CLEC12A: variants seen among roughly 807,000 people sequenced by gnomAD.
The protein encoded by CLEC12A is C-type lectin domain family 12 member A.
CLEC12A carries 22 observed loss-of-function variants against 26.5 expected under a neutral mutation model. That is an observed-to-expected ratio of 0.83 (90% confidence interval 0.59 to 1.19). The LOEUF is 1.19. Ranked by LOEUF, CLEC12A falls within the 50% of genes most tolerant of loss-of-function variation. The pLI is 0.00. For missense variants in CLEC12A, 353 were observed against 315.6 expected (o/e 1.12, Z -0.90); for synonymous variants, 119 against 101.9 (o/e 1.17, Z -1.01).
At chr12:9,973,065 G>A (rs891662470) in intron 1 of CLEC12A, among the ~76,000 whole-genome samples, 4 of 151,656 alleles carry the variant, frequency 2.6e-5, no homozygotes, top group South Asian at 2.1e-4. Context: ...TCTCATTATC[G>A]AGCTTAGAAT....
Position 9,962,253 on chromosome 12 carries a change from CTTTTTTTT to C in CLEC12A, c.11-9313_11-9306del, listed in dbSNP as rs71049021. Among the ~76,000 whole-genome samples the C allele has an allele frequency of 1.8e-4, 22 of 119,254 alleles. 1 individual carries two copies. In the East Asian group the frequency reaches 2.6e-3, roughly 14 times the overall value. The allele number at this position is 119,254 out of a possible 152,430, so 78.2% of individuals were successfully genotyped here. A position where few individuals can be genotyped will look rare whatever the true frequency, so the allele number is the denominator to read the frequency against. ...CCTTTTAATGTATAACCGGTTTTTT[CTTTTTTTT>C]TTTTTTTTTTGGATCCCAAGTGTGT... On this transcript the variant is annotated intron_variant, in intron 1 of 6. Transcript: ENST00000355690.
chr12:9,985,931 T>G, downstream of CLEC12A: 1 of 167,504 alleles, frequency 6.0e-6, no homozygotes, highest in Non-Finnish European at 1.3e-5. Context: ...TTGTAACCCC[T>G]CCTTGATTTG....
intron 1 of CLEC12A, among the ~76,000 whole-genome samples, chr12:9,972,993 T>A (rs1389060893): frequency 6.6e-6 from 1 of 152,206 alleles, no homozygotes. Flanking sequence ...CCACAAGAAT[T>A]CCCTGAATTC....
intron 4 of CLEC12A, 143 bp downstream of exon 4, chr12:9,980,876 T>C: frequency 2.5e-6 from 2 of 803,832 alleles, no homozygotes; most frequent in South Asian, 1.9e-5. Flanking sequence ...TCTCAAGATA[T>C]CATAGGCAAG....
At chr12:10,002,693 C>G in the CLEC12A span, among the ~76,000 whole-genome samples, 1 of 152,098 alleles carries the variant, frequency 6.6e-6, no homozygotes, top group African/African-American at 2.4e-5. Flanking sequence ...CCGCCCGCCT[C>G]GGCCTCCCCA....
upstream of CLEC12A, among the ~76,000 whole-genome samples, chr12:9,969,283 C>T (rs145807783): frequency 7.6e-3 from 1,162 of 152,186 alleles, 9 homozygotes; most frequent in African/African-American, 0.023. Flanking sequence ...AAGTGTTTGA[C>T]GGAATGAATA....
chr12:9,971,890 A>T (rs189179326), intron 1 of CLEC12A, among the ~76,000 whole-genome samples: 95 of 152,330 alleles, frequency 6.2e-4, no homozygotes, highest in African/African-American at 2.2e-3. Flanking sequence ...TGCATTGAAT[A>T]ATCAATCTTT....
intron 1 of CLEC12A, among the ~76,000 whole-genome samples, chr12:9,976,817 T>C (rs1864355466): frequency 6.6e-6 from 1 of 152,158 alleles, no homozygotes. Context: ...GGTAATTGAA[T>C]CATATGGTAG....
the CLEC12A span, among the ~76,000 whole-genome samples, chr12:10,003,957 C>CATCT: frequency 6.6e-6 from 1 of 152,242 alleles, no homozygotes; most frequent in South Asian, 2.1e-4. Flanking sequence ...CATCTAACCT[C>CATCT]ATCTAATCCA....
intron 1 of CLEC12A, among the ~76,000 whole-genome samples, chr12:9,973,399 A>G (rs895517245): frequency 6.6e-6 from 1 of 152,154 alleles, no homozygotes; most frequent in African/African-American, 2.4e-5. Flanking sequence ...GGCTCTAGTA[A>G]GCTAAGATCA....
intron 1 of CLEC12A, among the ~76,000 whole-genome samples, chr12:9,972,232 C>A (rs1864159090): frequency 6.6e-6 from 1 of 151,768 alleles, no homozygotes; most frequent in South Asian, 2.1e-4. Context: ...TGAAATGAAT[C>A]ATTAAGGAAT....
chr12:10,003,813 G>A, the CLEC12A span, among the ~76,000 whole-genome samples: 1 of 152,182 alleles, frequency 6.6e-6, no homozygotes, highest in South Asian at 2.1e-4. Context: ...CTACTTGGGA[G>A]GCTGAGGTGG....
chr12:9,963,968 A>C (rs1188322816), intron 1 of CLEC12A, among the ~76,000 whole-genome samples: 1 of 152,192 alleles, frequency 6.6e-6, no homozygotes, highest in African/African-American at 2.4e-5. Context: ...GGCTGGGTAT[A>C]AGTAAACAAC....
At chr12:9,970,492 G>C (rs1864089313), upstream of CLEC12A, among the ~76,000 whole-genome samples, 1 of 152,112 alleles carries the variant, frequency 6.6e-6, no homozygotes, top group Non-Finnish European at 1.5e-5. Context: ...TTTAAAGTAA[G>C]ATTTACTAAC....
chr12:9,964,931 A>G (rs1863903500), intron 1 of CLEC12A, among the ~76,000 whole-genome samples: 1 of 152,200 alleles, frequency 6.6e-6, no homozygotes, highest in Non-Finnish European at 1.5e-5. Context: ...TGTGGTATCC[A>G]GAATACTGTG....
At chr12:9,957,196 T>C (rs1323219662) in intron 1 of CLEC12A, among the ~76,000 whole-genome samples, 1 of 152,016 alleles carries the variant, frequency 6.6e-6, no homozygotes, top group Non-Finnish European at 1.5e-5. Flanking sequence ...GAAGAAATTT[T>C]AAAAAGGTGT....
intron 4 of CLEC12A, among the ~76,000 whole-genome samples, chr12:9,993,958 T>G (rs1864964068): frequency 6.6e-6 from 1 of 152,022 alleles, no homozygotes; most frequent in African/African-American, 2.4e-5. Context: ...GTCTTTCTTG[T>G]TGGGGAACTT....
downstream of CLEC12A, chr12:9,985,898 T>C (rs1864753349): frequency 6.2e-6 from 1 of 162,576 alleles, no homozygotes; most frequent in Non-Finnish European, 1.4e-5. Flanking sequence ...ACTAAACTTG[T>C]TTTACCAGCT....
chr12:9,991,703 A>C (rs1864896772), intron 4 of CLEC12A: 1 of 152,166 alleles, frequency 6.6e-6, no homozygotes, highest in South Asian at 2.1e-4. Context: ...CAAAGCTTTA[A>C]GAGTAACACA....
Sources: gnomAD v4.1 joint callset for allele counts (sites outside exome capture counted in the v4.1 genomes callset) on GRCh38, gnomAD v4.1.1 for gene constraint, MANE v1.5 for transcripts, NCBI Gene and HGNC (gene_info 2026-07-23, HGNC 2026-07-21) for gene names.